Variants in AFG2A observed in about 807,000 individuals in gnomAD.
AFG2A encodes the protein ATPase family gene 2 protein homolog A.
chr4:123,032,462 G>A, the AFG2A span, among the ~76,000 whole-genome samples: 2 of 152,004 alleles, frequency 1.3e-5, no homozygotes, highest in Admixed American at 6.6e-5. Flanking sequence ...GCGCGATCTC[G>A]GCTCACTGCA....
At chr4:123,204,673 T>G in the AFG2A span, among the ~76,000 whole-genome samples, 2 of 152,242 alleles carry the variant, frequency 1.3e-5, no homozygotes, top group Non-Finnish European at 2.9e-5. Context: ...ATTTCAGTTC[T>G]TGCCTTACAT....
chr4:123,094,881 T>C, the AFG2A span, among the ~76,000 whole-genome samples: 1 of 151,418 alleles, frequency 6.6e-6, no homozygotes, highest in African/African-American at 2.4e-5. Context: ...AACCCCATTA[T>C]CACCCACACA....
the AFG2A span, among the ~76,000 whole-genome samples, chr4:123,082,111 A>G: frequency 2.8e-3 from 422 of 152,242 alleles, 1 homozygote; most frequent in African/African-American, 9.2e-3. Flanking sequence ...CGTCTTTTAC[A>G]GAGCAGAAGG....
the AFG2A span, among the ~76,000 whole-genome samples, chr4:122,938,856 A>G: frequency 3.4e-3 from 510 of 152,014 alleles, 3 homozygotes; most frequent in Middle Eastern, 0.014. Flanking sequence ...TGGCCTTCCA[A>G]AGTGCTGGGA....
At chr4:123,173,730 A>G in the AFG2A span, among the ~76,000 whole-genome samples, 2 of 152,168 alleles carry the variant, frequency 1.3e-5, no homozygotes, top group African/African-American at 2.4e-5. Flanking sequence ...GAAATTCACT[A>G]TATTAATGGT....
chr4:122,993,979 A>G, the AFG2A span, among the ~76,000 whole-genome samples: 1 of 152,078 alleles, frequency 6.6e-6, no homozygotes, highest in Admixed American at 6.5e-5. Context: ...TATGAATAGC[A>G]CATAGTAGAT....
At chr4:122,929,251 T>C in the AFG2A span, 14 of 1,482,752 alleles carry the variant, frequency 9.4e-6, no homozygotes, top group Non-Finnish European at 1.2e-5. Flanking sequence ...AGTAGAAATA[T>C]AAGAGTCACA....
At chr4:123,262,863 G>T in the AFG2A span, among the ~76,000 whole-genome samples, 14 of 152,276 alleles carry the variant, frequency 9.2e-5, no homozygotes, top group Admixed American at 7.8e-4. Context: ...GAAAGGAGGA[G>T]GAGTAACTCA....
chr4:123,051,346 A>G, the AFG2A span, among the ~76,000 whole-genome samples: 124,029 of 151,760 alleles, frequency 0.82, 52,303 homozygotes, highest in East Asian at 0.97. Flanking sequence ...CTTAACTTTG[A>G]TTGCAAGATA....
chr4:123,272,921 T>A, the AFG2A span, among the ~76,000 whole-genome samples: 7 of 150,450 alleles, frequency 4.7e-5, no homozygotes, highest in African/African-American at 1.2e-4. Context: ...AGAGGGAGAG[T>A]CAGCAGAGAG....
At chr4:122,940,714 A>G in the AFG2A span, among the ~76,000 whole-genome samples, 1 of 152,088 alleles carries the variant, frequency 6.6e-6, no homozygotes, top group Non-Finnish European at 1.5e-5. Context: ...ACCCATGCCT[A>G]TGTCCTGAAT....
chr4:122,983,846 T>G, the AFG2A span, among the ~76,000 whole-genome samples: 5 of 152,134 alleles, frequency 3.3e-5, no homozygotes, highest in African/African-American at 1.2e-4. Flanking sequence ...CAGAGCTGGG[T>G]AGACTTGCTG....
At chr4:123,207,070 T>A in the AFG2A span, among the ~76,000 whole-genome samples, 1 of 152,222 alleles carries the variant, frequency 6.6e-6, no homozygotes, top group Middle Eastern at 3.4e-3. Flanking sequence ...AATCTTTTAA[T>A]TTATATTAGA....
chr4:123,070,569 A>C, the AFG2A span, among the ~76,000 whole-genome samples: 1 of 152,186 alleles, frequency 6.6e-6, no homozygotes, highest in Admixed American at 6.5e-5. Context: ...GGGGCAAAGG[A>C]GCAGTCTGGG....
chr4:123,130,519 C>A, the AFG2A span, among the ~76,000 whole-genome samples: 1 of 152,048 alleles, frequency 6.6e-6, no homozygotes, highest in Admixed American at 6.6e-5. Flanking sequence ...TAATCATGCA[C>A]ATGTCATCTT....
chr4:123,012,986 C>T, the AFG2A span, among the ~76,000 whole-genome samples: 1 of 152,144 alleles, frequency 6.6e-6, no homozygotes, highest in East Asian at 1.9e-4. Context: ...ACCAAACAGG[C>T]TTTGTGTGAG....
the AFG2A span, among the ~76,000 whole-genome samples, chr4:123,024,261 A>G: frequency 1.3e-5 from 2 of 150,282 alleles, no homozygotes; most frequent in African/African-American, 4.9e-5. Context: ...GAAAAAATAA[A>G]GCAACCTGTG....
At chr4:123,060,387 A>T in the AFG2A span, among the ~76,000 whole-genome samples, 2 of 152,144 alleles carry the variant, frequency 1.3e-5, no homozygotes, top group Non-Finnish European at 2.9e-5. Flanking sequence ...CCTGCAGCAC[A>T]CCTCTGCCTG....
the AFG2A span, among the ~76,000 whole-genome samples, chr4:123,025,429 T>G: frequency 6.6e-6 from 1 of 152,318 alleles, no homozygotes; most frequent in African/African-American, 2.4e-5. Flanking sequence ...TGGGGAGAGT[T>G]GATTGATCCA....
Sources: gnomAD v4.1 joint callset for allele counts (sites outside exome capture counted in the v4.1 genomes callset) on GRCh38, gnomAD v4.1.1 for gene constraint, MANE v1.5 for transcripts, NCBI Gene and HGNC (gene_info 2026-07-23, HGNC 2026-07-21) for gene names.